The following GRM8 variants were observed in gnomAD, a reference collection of about 807,000 sequenced individuals.
GRM8 encodes the protein glutamate metabotropic receptor 8, also known as metabotropic glutamate receptor 8.
Under a neutral mutation model 87.2 loss-of-function variants are expected in GRM8, and 47 were observed. The ratio of observed to expected loss-of-function variants is 0.54; its 90% CI spans 0.43 to 0.69. The LOEUF (loss-of-function observed/expected upper bound fraction) is 0.69, where lower values mean the gene tolerates loss of function less well. GRM8 is among the 30% of genes least tolerant of loss of function. GRM8 has a pLI of 0.00. For missense variants in GRM8, 1,019 were observed against 1,139.2 expected, an observed-to-expected ratio of 0.89 and a Z score of 1.52; for synonymous variants, 396 against 404.5, an observed-to-expected ratio of 0.98 and a Z score of 0.25.
chr7:126,528,550 A>T (rs188451868), intron 9 of GRM8, among the ~76,000 whole-genome samples: 32 of 152,108 alleles, frequency 2.1e-4, no homozygotes, highest in African/African-American at 7.5e-4. Context: ...CTGTCATCTA[A>T]CTTTCAGCAA....
chr7:126,824,770 C>A (rs1298289229), intron 6 of GRM8, among the ~76,000 whole-genome samples: 1 of 152,140 alleles, frequency 6.6e-6, no homozygotes, highest in Non-Finnish European at 1.5e-5. Context: ...ATTTTCTTCA[C>A]CTTCTTGGTT....
At chr7:126,588,108 T>A (rs1310115013) in intron 8 of GRM8, among the ~76,000 whole-genome samples, 2 of 152,076 alleles carry the variant, frequency 1.3e-5, no homozygotes, top group African/African-American at 4.8e-5. Flanking sequence ...TCTAATGAAA[T>A]AACCTGAATG....
At chr7:127,059,773 T>C (rs1820433687) in intron 3 of GRM8, among the ~76,000 whole-genome samples, 1 of 152,224 alleles carries the variant, frequency 6.6e-6, no homozygotes, top group African/African-American at 2.4e-5. Context: ...GCATTTTCCA[T>C]CCATGAGACC....
chr7:126,699,729 T>C (rs958672400), intron 7 of GRM8, among the ~76,000 whole-genome samples: 2 of 152,268 alleles, frequency 1.3e-5, no homozygotes, highest in African/African-American at 4.8e-5. Flanking sequence ...TTGGTGTGTG[T>C]CAAACAATCA....
At chr7:126,725,171 T>C (rs1812822570) in intron 7 of GRM8, among the ~76,000 whole-genome samples, 1 of 152,174 alleles carries the variant, frequency 6.6e-6, no homozygotes, top group Admixed American at 6.5e-5. Flanking sequence ...TCTCTAAGGG[T>C]AGTTTTATTA....
At chr7:127,173,023 C>T (rs1311067658) in intron 2 of GRM8, among the ~76,000 whole-genome samples, 1 of 152,136 alleles carries the variant, frequency 6.6e-6, no homozygotes, top group African/African-American at 2.4e-5. Flanking sequence ...AACTAACATG[C>T]ATTTATTCGC....
At chr7:127,192,998 T>A (rs190403407) in intron 2 of GRM8, among the ~76,000 whole-genome samples, 2 of 152,298 alleles carry the variant, frequency 1.3e-5, no homozygotes, top group African/African-American at 4.8e-5. Context: ...CCAAAGTCAG[T>A]GCGATCTCCA....
chr7:126,504,129 G>A (rs1810059793), intron 9 of GRM8, among the ~76,000 whole-genome samples: 1 of 151,766 alleles, frequency 6.6e-6, no homozygotes, highest in South Asian at 2.1e-4. Flanking sequence ...TAATATCTGG[G>A]TGAGACACTT....
chr7:127,098,431 C>T (rs950511903), intron 3 of GRM8, among the ~76,000 whole-genome samples: 1 of 152,040 alleles, frequency 6.6e-6, no homozygotes, highest in Non-Finnish European at 1.5e-5. Context: ...ATTTCAGTTA[C>T]CAGAAACTTG....
chr7:126,823,190 A>G (rs1794460262), intron 6 of GRM8, among the ~76,000 whole-genome samples: 1 of 152,264 alleles, frequency 6.6e-6, no homozygotes, highest in Non-Finnish European at 1.5e-5. Flanking sequence ...TATAACTGAC[A>G]CATAAGCTGA....
intron 6 of GRM8, among the ~76,000 whole-genome samples, chr7:126,808,876 G>C (rs994887999): frequency 2.0e-5 from 3 of 152,116 alleles, no homozygotes; most frequent in African/African-American, 7.2e-5. Flanking sequence ...CACAGATAAA[G>C]CTCCTGATAT....
intron 8 of GRM8, among the ~76,000 whole-genome samples, chr7:126,554,417 AAATAAT>A (rs34731773): frequency 2.7e-5 from 4 of 147,148 alleles, no homozygotes; most frequent in Admixed American, 6.8e-5. Flanking sequence ...CAATTTCTAC[AAATAAT>A]AATAATAATA....
intron 3 of GRM8, among the ~76,000 whole-genome samples, chr7:127,010,823 A>T (rs962021942): frequency 1.1e-4 from 17 of 152,144 alleles, no homozygotes; most frequent in African/African-American, 4.1e-4. Flanking sequence ...TCCACTCATT[A>T]ATTCAAAAGC....
rs1436972552 is a variant in GRM8, at chr7:126,533,883, T to G, written c.1499A>C (p.Glu500Ala). 6.2e-7 allele frequency: 1 copy of G among 1,607,612 alleles called. No individual in the cohort carries two copies. Among genetic ancestry groups the G allele is most frequent in the African/African-American group, 1.3e-5 (1 of 74,772 alleles). ...HWTNQLHLKVEDMQWAHREHT... is the reference protein window; with the variant it reads ...HWTNQLHLKVADMQWAHREHT... ...TTCTCTATGAGCCCACTGCATGTCTTCCACCTGTGGGTATAAAAAATTAAT... is the reference window on the plus strand; with the variant it reads ...TTCTCTATGAGCCCACTGCATGTCTGCCACCTGTGGGTATAAAAAATTAAT... The change falls in exon 9 of 11, where the codon GAA becomes GCA. Residue 500 changes from glutamate to alanine, a missense_variant. Glu to Ala is a moderately radical substitution (Grantham distance 107, BLOSUM62 -1). Transcript: ENST00000339582.
chr7:126,562,388 G>C (rs1221278077), intron 8 of GRM8, among the ~76,000 whole-genome samples: 2 of 152,188 alleles, frequency 1.3e-5, no homozygotes, highest in Non-Finnish European at 2.9e-5. Context: ...CAGAATGGCT[G>C]GTTGGCTTCC....
intron 7 of GRM8, among the ~76,000 whole-genome samples, chr7:126,765,599 A>G (rs1818114581): frequency 6.6e-6 from 1 of 152,114 alleles, no homozygotes; most frequent in Non-Finnish European, 1.5e-5. Flanking sequence ...GATGTACAGA[A>G]TTAATATTTT....
intron 6 of GRM8, among the ~76,000 whole-genome samples, chr7:126,897,573 G>A (rs753503747): frequency 6.6e-6 from 1 of 151,950 alleles, no homozygotes; most frequent in African/African-American, 2.4e-5. Flanking sequence ...CAATGAGGGA[G>A]GGAGGAAGGA....
intron 6 of GRM8, among the ~76,000 whole-genome samples, chr7:126,777,597 G>C (rs1375154339): frequency 1.3e-5 from 2 of 152,066 alleles, no homozygotes; most frequent in African/African-American, 2.4e-5. Flanking sequence ...CATGTAATGT[G>C]TTCATGCACT....
chr7:126,857,650 T>C (rs532668759), intron 6 of GRM8, among the ~76,000 whole-genome samples: 1 of 152,314 alleles, frequency 6.6e-6, no homozygotes, highest in African/African-American at 2.4e-5. Context: ...TTCTCTGTCT[T>C]ATTCATCCTG....
Sources: gnomAD v4.1 joint callset for allele counts (sites outside exome capture counted in the v4.1 genomes callset) on GRCh38, gnomAD v4.1.1 for gene constraint, MANE v1.5 for transcripts, NCBI Gene and HGNC (gene_info 2026-07-23, HGNC 2026-07-21) for gene names.